Variants in BAX observed in about 807,000 individuals in gnomAD.
The protein encoded by BAX is BCL2 associated X, apoptosis regulator.
In BAX, 21 loss-of-function variants were observed where a neutral mutation model predicts 26.8. The ratio of observed to expected loss-of-function variants is 0.78; its 90% CI spans 0.56 to 1.13. The LOEUF (loss-of-function observed/expected upper bound fraction) is 1.13. Ranked by LOEUF, BAX falls within the 50% of genes most tolerant of loss-of-function variation. The pLI, the probability that BAX is intolerant of heterozygous loss-of-function variation, is 0.00. For missense variants in BAX, 236 were observed against 254.6 expected (o/e 0.93, Z 0.50); for synonymous variants, 110 against 101.8 (o/e 1.08, Z -0.49).
At chr19:48,959,743 T>C (rs1022271496) in intron 4 of BAX, among the ~76,000 whole-genome samples, 1 of 150,502 alleles carries the variant, frequency 6.6e-6, no homozygotes, top group Non-Finnish European at 1.5e-5. Context: ...GGAGGATCAC[T>C]TAAATCTGGG....
intron 4 of BAX, among the ~76,000 whole-genome samples, chr19:48,960,034 GAA>G (rs2038295636): frequency 6.6e-6 from 1 of 150,566 alleles, no homozygotes; most frequent in African/African-American, 2.4e-5. Flanking sequence ...CACAAAACAG[GAA>G]GTGGAAAGGT....
chr19:48,959,280 C>T (rs914512816), intron 4 of BAX, among the ~76,000 whole-genome samples: 12 of 134,606 alleles, frequency 8.9e-5, no homozygotes, highest in African/African-American at 2.5e-4. Flanking sequence ...AACTGGGAGG[C>T]GGAGTTTGCA....
In BAX at chr19:48,954,916, G is replaced by C; in HGVS notation, c.-13G>C. On this transcript the variant is annotated 5_prime_UTR_variant, in exon 1 of 6. Transcript: ENST00000345358. Reference sequence around the variant, plus strand: ...CGCGGACCCGGCGAGAGGCGGCGGCGGGAGCGGCGGTGATGGACGGGTCCG... The same window carrying C: ...CGCGGACCCGGCGAGAGGCGGCGGCCGGAGCGGCGGTGATGGACGGGTCCG... The C allele has an allele frequency of 8.1e-7, 1 of 1,235,102 alleles. No homozygotes were observed. The highest frequency in any genetic ancestry group is 1.0e-6 in the Non-Finnish European group (1 of 988,838). 76.5% of individuals were successfully genotyped at this position (1,235,102 alleles called of 1,614,324 possible).
At position 48,960,456 on chromosome 19, in the gene BAX, C is replaced by T. The variant is rs141055807; in HGVS notation, c.370-354C>T. ...TCGGCTCACTGCAACCTCCGCCTCC[C>T]GGGTTCAAGCAATTCTCCTGCCTCA... is the stretch of plus-strand genomic sequence containing the variant. On this transcript the variant is annotated intron_variant, in intron 4 of 5. Transcript: ENST00000345358. 1,125 of 325,414 alleles carry T rather than the reference C, an allele frequency of 3.5e-3. 17 individuals carry two copies. Among genetic ancestry groups the T allele is most frequent in the African/African-American group, 0.023 (1,075 of 46,158 alleles). The allele number at this position is 325,414 out of a possible 1,614,324, so 20.2% of individuals were successfully genotyped here.
rs2038328365 is a variant in BAX at position 48,960,872 on chromosome 19, C to T, written c.432C>T (p.Leu144=). ...TCATGGGCTGGACATTGGACTTCCT[C>T]CGGGAGCGGCTGTTGGGCTGGATCC... The part of the protein sequence containing the change: ...RTIMGWTLDF[L]RERLLGWIQD... Residue 144 remains leucine, a synonymous_variant, in exon 5 of 6, where the codon CTC becomes CTT. Coordinates refer to ENST00000345358, the MANE Select transcript of BAX (RefSeq NM_138761.4). 1 of 1,614,074 alleles carries T rather than the reference C, an allele frequency of 6.2e-7. No homozygotes were observed. Among genetic ancestry groups the T allele is most frequent in the Non-Finnish European group, 8.5e-7 (1 of 1,180,046 alleles).
chr19:48,955,349 G>T (rs2038082238), intron 1 of BAX, 199 bp from the exon 2 acceptor site: 1 of 564,488 alleles, frequency 1.8e-6, no homozygotes, highest in Admixed American at 3.6e-5. Flanking sequence ...CGGGGAGAAT[G>T]TAGGATACAG....
At chr19:48,955,020 G>T in intron 1 of BAX, 58 bp downstream of exon 1, 1 of 1,241,324 alleles carries the variant, frequency 8.1e-7, no homozygotes, top group Non-Finnish European at 1.0e-6. Flanking sequence ...GCCCGTCCGG[G>T]ATCCTTCCTA....
At chr19:48,959,265 G>A (rs2038253858) in intron 4 of BAX, among the ~76,000 whole-genome samples, 2 of 149,212 alleles carry the variant, frequency 1.3e-5, no homozygotes. Context: ...CAGAAGAATG[G>A]CGTGAACTGG....
chr19:48,955,877 T>A, intron 3 of BAX, 44 bp downstream of exon 3: 1 of 1,537,816 alleles, frequency 6.5e-7, no homozygotes, highest in South Asian at 1.2e-5. Context: ...CTGGGCTCCT[T>A]CAGGACACAG....
chr19:48,960,457 G>A (rs988545493), intron 4 of BAX: 13 of 329,966 alleles, frequency 3.9e-5, no homozygotes, highest in South Asian at 2.5e-4. Context: ...TCCGCCTCCC[G>A]GGTTCAAGCA....
rs369285586 is a variant in BAX, at chr19:48,961,557, C to T, written c.500C>T (p.Thr167Met). ...GACGGCCTCCTCTCCTACTTTGGGA[C>T]GCCCACGTGGCAGACCGTGACCATC... ...GWDGLLSYFG[T>M]PTWQTVTIFV... is the part of the protein sequence containing the mutation. Residue 167 changes from threonine (T) to methionine (M), a missense_variant, in exon 6 of 6, where the codon ACG becomes ATG. Physicochemically the swap from Thr to Met is moderately conservative, Grantham distance 81. Transcript: ENST00000345358. The T allele has an allele frequency of 8.7e-6, 14 of 1,610,846 alleles. No homozygotes were observed. The highest frequency in any genetic ancestry group is 1.7e-5 in the Admixed American group (1 of 59,692).
At chr19:48,960,140 G>C in intron 4 of BAX, 2 of 395,262 alleles carry the variant, frequency 5.1e-6, no homozygotes, top group Non-Finnish European at 1.0e-5. Flanking sequence ...GCCACAGAAG[G>C]CTCAGGGGTG....
At chr19:48,960,513 G>A (rs1248580032) in intron 4 of BAX, among the ~76,000 whole-genome samples, 1 of 152,210 alleles carries the variant, frequency 6.6e-6, no homozygotes, top group Non-Finnish European at 1.5e-5. Flanking sequence ...ACAGGCATGT[G>A]CCACCACGCC....
At position 48,961,652 on chromosome 19, in the gene BAX, T is replaced by C. The variant is rs757014739; in HGVS notation, c.*16T>C. 2 of 1,555,506 alleles carry C rather than the reference T, an allele frequency of 1.3e-6. No individual in the cohort carries two copies. The highest frequency in any genetic ancestry group is 1.4e-5 in the African/African-American group (1 of 72,758). On this transcript the variant is annotated 3_prime_UTR_variant, in exon 6 of 6. Transcript: ENST00000345358. ...GATGGGCTGAGGCCCCCAGCTGCCTTGGACTGTGTTTTTCCTCCATAAATT... is the reference window on the plus strand; with the variant it reads ...GATGGGCTGAGGCCCCCAGCTGCCTCGGACTGTGTTTTTCCTCCATAAATT...
chr19:48,956,681 G>GT (rs2038146623), intron 4 of BAX, among the ~76,000 whole-genome samples: 1 of 146,396 alleles, frequency 6.8e-6, no homozygotes, highest in Non-Finnish European at 1.5e-5. Context: ...TTGAGATGGA[G>GT]TTTTGCTCTT....
At chr19:48,959,814 A>C (rs994188636) in intron 4 of BAX, among the ~76,000 whole-genome samples, 2 of 149,872 alleles carry the variant, frequency 1.3e-5, no homozygotes, top group African/African-American at 4.9e-5. Context: ...CAACAAGATC[A>C]AAACTCTATC....
intron 5 of BAX, chr19:48,961,203 C>T (rs988224920): frequency 1.3e-6 from 2 of 1,483,922 alleles, no homozygotes; most frequent in African/African-American, 1.4e-5. Context: ...TCCACTGCCT[C>T]TGGAATTGCT....
intron 1 of BAX, 64 bp downstream of exon 1, chr19:48,955,026 T>C: frequency 8.1e-7 from 1 of 1,240,848 alleles, no homozygotes; most frequent in Non-Finnish European, 1.0e-6. Context: ...CCGGGATCCT[T>C]CCTACCGGCC....
At chr19:48,955,468 A>AG in intron 1 of BAX, 80 bp from the exon 2 acceptor site, 1 of 1,490,236 alleles carries the variant, frequency 6.7e-7, no homozygotes, top group Non-Finnish European at 9.0e-7. Context: ...GTCCTCCCTC[A>AG]GGGGCCGTGA....
Sources: gnomAD v4.1 joint callset for allele counts (sites outside exome capture counted in the v4.1 genomes callset) on GRCh38, gnomAD v4.1.1 for gene constraint, MANE v1.5 for transcripts, NCBI Gene and HGNC (gene_info 2026-07-23, HGNC 2026-07-21) for gene names.